TNFSF4: variants seen among roughly 807,000 people sequenced by gnomAD.
TNFSF4 encodes the protein tumor necrosis factor ligand superfamily member 4.
Under a neutral mutation model 7.3 loss-of-function variants are expected in TNFSF4, and 4 were observed. The observed-to-expected ratio is 0.55, with a 90% confidence interval of 0.27 to 1.25. The LOEUF is 1.25. Ranked by LOEUF, TNFSF4 falls within the 50% of genes most tolerant of loss-of-function variation. TNFSF4 has a pLI of 0.12. For synonymous variants in TNFSF4, 76 were observed against 83.7 expected, an observed-to-expected ratio of 0.91 and a Z score of 0.50; for missense variants, 181 against 208.8, an observed-to-expected ratio of 0.87 and a Z score of 0.82.
At chr1:173,241,737 G>A in the TNFSF4 span, among the ~76,000 whole-genome samples, 1 of 152,236 alleles carries the variant, frequency 6.6e-6, no homozygotes, top group Admixed American at 6.5e-5. Context: ...GGCTATGGGA[G>A]GCAGGCTTAG....
At chr1:173,259,371 T>C in the TNFSF4 span, among the ~76,000 whole-genome samples, 1 of 151,682 alleles carries the variant, frequency 6.6e-6, no homozygotes, top group Non-Finnish European at 1.5e-5. Flanking sequence ...CAAAGGTAGA[T>C]AAGCTCACAA....
chr1:173,283,320 G>T, the TNFSF4 span, among the ~76,000 whole-genome samples: 1 of 152,190 alleles, frequency 6.6e-6, no homozygotes, highest in East Asian at 1.9e-4. Context: ...GTTGAAACCT[G>T]AGAGGGAATC....
At chr1:173,180,935 G>A (rs763353706), downstream of TNFSF4, among the ~76,000 whole-genome samples, 3 of 152,118 alleles carry the variant, frequency 2.0e-5, no homozygotes, top group Non-Finnish European at 2.9e-5. Flanking sequence ...TAAGTACCTA[G>A]CACAATGCCT....
At chr1:173,303,455 T>C in the TNFSF4 span, among the ~76,000 whole-genome samples, 1 of 151,892 alleles carries the variant, frequency 6.6e-6, no homozygotes, top group African/African-American at 2.4e-5. Context: ...TTCTGGCTGC[T>C]CTTTCCGTAG....
chr1:173,175,940 T>G, the TNFSF4 span, among the ~76,000 whole-genome samples: 1 of 152,138 alleles, frequency 6.6e-6, no homozygotes, highest in South Asian at 2.1e-4. Flanking sequence ...CATGGTTTTT[T>G]GTTTTTTTGT....
At chr1:173,398,430 T>G in the TNFSF4 span, among the ~76,000 whole-genome samples, 1 of 145,948 alleles carries the variant, frequency 6.9e-6, no homozygotes, top group Admixed American at 6.8e-5. Flanking sequence ...TTTTTTTTTT[T>G]TGTTCTCTTT....
At chr1:173,393,847 C>T in the TNFSF4 span, among the ~76,000 whole-genome samples, 1 of 152,160 alleles carries the variant, frequency 6.6e-6, no homozygotes, top group Non-Finnish European at 1.5e-5. Flanking sequence ...AACATCTGTA[C>T]TTTCAATGAA....
At chr1:173,377,926 C>T in the TNFSF4 span, among the ~76,000 whole-genome samples, 1 of 152,126 alleles carries the variant, frequency 6.6e-6, no homozygotes, top group African/African-American at 2.4e-5. Context: ...ATTTTGGGGG[C>T]ATAACATCTT....
chr1:173,247,834 T>A, the TNFSF4 span, among the ~76,000 whole-genome samples: 3 of 152,328 alleles, frequency 2.0e-5, no homozygotes, highest in East Asian at 5.8e-4. Flanking sequence ...TATGAATAGT[T>A]GGATATGGTC....
At chr1:173,201,026 T>A (rs924490563) in intron 1 of TNFSF4, among the ~76,000 whole-genome samples, 1 of 152,216 alleles carries the variant, frequency 6.6e-6, no homozygotes, top group Admixed American at 6.5e-5. Flanking sequence ...TATTCCCCAA[T>A]GTTTCTAGAT....
chr1:173,296,851 G>A, the TNFSF4 span, among the ~76,000 whole-genome samples: 1 of 151,962 alleles, frequency 6.6e-6, no homozygotes, highest in Non-Finnish European at 1.5e-5. Flanking sequence ...CAGATGTAAT[G>A]GAGAAGCAAA....
chr1:173,191,047 C>A (rs2101985760), intron 1 of TNFSF4, among the ~76,000 whole-genome samples: 1 of 152,308 alleles, frequency 6.6e-6, no homozygotes, highest in Non-Finnish European at 1.5e-5. Context: ...TACTTTCACT[C>A]CCTGATCTAA....
chr1:173,429,244 T>C, the TNFSF4 span, among the ~76,000 whole-genome samples: 1 of 152,184 alleles, frequency 6.6e-6, no homozygotes, highest in African/African-American at 2.4e-5. Flanking sequence ...ATCTGGTTTC[T>C]ACGAAAAATG....
At chr1:173,336,677 A>G in the TNFSF4 span, among the ~76,000 whole-genome samples, 1 of 152,168 alleles carries the variant, frequency 6.6e-6, no homozygotes, top group Admixed American at 6.5e-5. Flanking sequence ...CATTGATGAC[A>G]TTATGCCAAT....
the TNFSF4 span, among the ~76,000 whole-genome samples, chr1:173,435,273 A>C: frequency 6.6e-6 from 1 of 152,372 alleles, no homozygotes; most frequent in African/African-American, 2.4e-5. Flanking sequence ...CAAAAGGAGC[A>C]AATAAGAACA....
the TNFSF4 span, among the ~76,000 whole-genome samples, chr1:173,390,903 T>A: frequency 6.6e-6 from 1 of 151,576 alleles, no homozygotes; most frequent in Non-Finnish European, 1.5e-5. Context: ...CTGCCACCAC[T>A]CCAGGCTAAT....
At chr1:173,187,599 G>A (rs1649286786) in intron 2 of TNFSF4, among the ~76,000 whole-genome samples, 2 of 152,214 alleles carry the variant, frequency 1.3e-5, no homozygotes, top group East Asian at 1.9e-4. Flanking sequence ...AGAGCTCAAG[G>A]GCATATACTT....
the TNFSF4 span, among the ~76,000 whole-genome samples, chr1:173,318,216 G>A: frequency 3.3e-5 from 5 of 152,130 alleles, no homozygotes; most frequent in African/African-American, 9.7e-5. Context: ...CAAGGGGGGT[G>A]GATCATGAGG....
the TNFSF4 span, among the ~76,000 whole-genome samples, chr1:173,376,043 TC>T: frequency 6.6e-6 from 1 of 152,122 alleles, no homozygotes; most frequent in Admixed American, 6.5e-5. Flanking sequence ...TACATGTTAC[TC>T]CTCCCTCAAT....
Sources: gnomAD v4.1 joint callset for allele counts (sites outside exome capture counted in the v4.1 genomes callset) on GRCh38, gnomAD v4.1.1 for gene constraint, MANE v1.5 for transcripts, NCBI Gene and HGNC (gene_info 2026-07-23, HGNC 2026-07-21) for gene names.